Variants in SH2D4B observed in about 807,000 individuals in gnomAD.
SH2D4B encodes SH2 domain-containing protein 4B.
SH2D4B carries 45 observed loss-of-function variants against 61.5 expected under a neutral mutation model. That is an observed-to-expected ratio of 0.73 (90% CI 0.58 to 0.94). The LOEUF (loss-of-function observed/expected upper bound fraction) is 0.94, where lower values mean the gene tolerates loss of function less well. SH2D4B is among the 40% of genes least tolerant of loss of function. The pLI is 0.00. For synonymous variants in SH2D4B, 224 were observed against 220.4 expected, an observed-to-expected ratio of 1.02 and a Z score of -0.14; for missense variants, 572 against 574.2, an observed-to-expected ratio of 1.00 and a Z score of 0.04.
intron 1 of SH2D4B, among the ~76,000 whole-genome samples, chr10:80,548,267 C>T (rs973805298): frequency 2.0e-5 from 3 of 152,276 alleles, no homozygotes; most frequent in Non-Finnish European, 4.4e-5. Context: ...TAGTTTCAAG[C>T]GATTCTCCTG....
intron 4 of SH2D4B, among the ~76,000 whole-genome samples, chr10:80,594,084 G>A (rs935232536): frequency 1.7e-4 from 26 of 152,144 alleles, no homozygotes; most frequent in African/African-American, 6.0e-4. Flanking sequence ...AAAGTTCTGG[G>A]ATTACAGATG....
chr10:80,546,841 T>A (rs1277381076), intron 1 of SH2D4B, among the ~76,000 whole-genome samples: 3 of 152,238 alleles, frequency 2.0e-5, no homozygotes, highest in Non-Finnish European at 2.9e-5. Flanking sequence ...TACGGTATTT[T>A]AAAACTTACT....
At chr10:80,638,181 A>G (rs945609899) in intron 7 of SH2D4B, among the ~76,000 whole-genome samples, 2 of 152,194 alleles carry the variant, frequency 1.3e-5, no homozygotes, top group Admixed American at 6.5e-5. Flanking sequence ...TGCTGGATTC[A>G]GTTTGCCAGT....
chr10:80,640,113 GCCC>G (rs1321483719), intron 7 of SH2D4B, among the ~76,000 whole-genome samples: 1 of 152,118 alleles, frequency 6.6e-6, no homozygotes, highest in Non-Finnish European at 1.5e-5. Context: ...TTGAATATTG[GCCC>G]CCACTCTCTT....
chr10:80,551,357 A>G (rs901765119), intron 1 of SH2D4B, among the ~76,000 whole-genome samples: 1 of 152,178 alleles, frequency 6.6e-6, no homozygotes, highest in Non-Finnish European at 1.5e-5. Context: ...CCTGGCCAAC[A>G]TAACTTGATT....
rs747664374 is a variant in SH2D4B, at chr10:80,571,466, G to A, written c.383G>A (p.Arg128Gln). 1.9e-6 allele frequency: 3 copies of A among 1,613,992 alleles called. No homozygotes were observed. Among genetic ancestry groups the A allele is most frequent in the Middle Eastern group, 1.6e-4 (1 of 6,062 alleles). The change falls in exon 3 of 8, where the codon CGG becomes CAG. Residue 128 changes from arginine (R) to glutamine (Q), a missense_variant. Physicochemically the swap from Arg to Gln is conservative, Grantham distance 43. Coordinates refer to ENST00000646907, the MANE Select transcript of SH2D4B (RefSeq NM_001388272.1). ...GAGGCAGAGATCACCAAGAAGTTCC[G>A]GGATGCTCTGGCCAATGAGAAAGCC... The part of the protein sequence containing the change: ...QKEAEITKKF[R>Q]DALANEKARI...
intron 6 of SH2D4B, 134 bp downstream of exon 6, chr10:80,609,685 T>TC (rs1842572408): frequency 7.1e-7 from 1 of 1,411,196 alleles, no homozygotes; most frequent in Admixed American, 1.9e-5. Context: ...TCTGTCCCTC[T>TC]CCCAGTGGGA....
At chr10:80,597,705 G>A (rs949076704) in intron 4 of SH2D4B, among the ~76,000 whole-genome samples, 1 of 150,282 alleles carries the variant, frequency 6.7e-6, no homozygotes, top group African/African-American at 2.5e-5. Flanking sequence ...TAAAATACAC[G>A]GGGAGAGAGT....
chr10:80,577,797 C>T (rs1293013349), intron 3 of SH2D4B, among the ~76,000 whole-genome samples: 3 of 151,210 alleles, frequency 2.0e-5, no homozygotes, highest in African/African-American at 4.9e-5. Flanking sequence ...CTCCTGACCT[C>T]GTGATCTGCC....
intron 1 of SH2D4B, among the ~76,000 whole-genome samples, chr10:80,564,912 CG>C (rs1173121544): frequency 6.6e-6 from 1 of 152,190 alleles, no homozygotes; most frequent in Non-Finnish European, 1.5e-5. Context: ...ATTTGCCAAT[CG>C]GGCAGCACTC....
intron 7 of SH2D4B, among the ~76,000 whole-genome samples, chr10:80,635,020 G>T (rs1842880777): frequency 6.6e-6 from 1 of 152,158 alleles, no homozygotes; most frequent in Admixed American, 6.5e-5. Context: ...CCTTGAGCCA[G>T]CACCTTAGTC....
chr10:80,623,129 T>C (rs1312528253), intron 6 of SH2D4B, among the ~76,000 whole-genome samples: 3 of 152,168 alleles, frequency 2.0e-5, no homozygotes, highest in African/African-American at 4.8e-5. Context: ...TGGCCAGGAT[T>C]GTCTCGAACT....
At chr10:80,552,870 TCC>T (rs1841780175) in intron 1 of SH2D4B, among the ~76,000 whole-genome samples, 1 of 151,820 alleles carries the variant, frequency 6.6e-6, no homozygotes, top group Admixed American at 6.6e-5. Flanking sequence ...CATTTCTTTC[TCC>T]CCCTCTCTCT....
intron 7 of SH2D4B, among the ~76,000 whole-genome samples, chr10:80,639,755 A>C (rs111397159): frequency 6.6e-6 from 1 of 152,066 alleles, no homozygotes. Flanking sequence ...TGTGTCTTTT[A>C]ATTGGGGCAT....
At chr10:80,575,055 T>C (rs978752098) in intron 3 of SH2D4B, among the ~76,000 whole-genome samples, 3 of 150,796 alleles carry the variant, frequency 2.0e-5, no homozygotes, top group Non-Finnish European at 4.4e-5. Flanking sequence ...GGAAACAGTA[T>C]GTACCCTCCA....
chr10:80,611,311 T>C (rs1240604351), intron 6 of SH2D4B, among the ~76,000 whole-genome samples: 1 of 152,176 alleles, frequency 6.6e-6, no homozygotes, highest in Non-Finnish European at 1.5e-5. Flanking sequence ...CACATTCTGT[T>C]AGCCAGAACC....
In SH2D4B at chr10:80,548,051, C is replaced by T. The variant is rs1841705667; in HGVS notation, c.184+9536C>T. Among the ~76,000 whole-genome samples the T allele has an allele frequency of 2.6e-5, 4 of 152,152 alleles. No homozygotes were observed. In the South Asian group the frequency reaches 8.3e-4, roughly 32 times the overall value. On this transcript the variant is annotated intron_variant, in intron 1 of 7. Transcript: ENST00000646907. ...ACCTGTAGGTAGGTACCCCTTGAAGCTCTGGTAGGTATTTGGAAGGCAAGC... is the reference window on the plus strand; with the variant it reads ...ACCTGTAGGTAGGTACCCCTTGAAGTTCTGGTAGGTATTTGGAAGGCAAGC...
At chr10:80,636,247 G>A (rs1840166146) in intron 7 of SH2D4B, among the ~76,000 whole-genome samples, 4 of 152,140 alleles carry the variant, frequency 2.6e-5, no homozygotes, top group Admixed American at 2.6e-4. Context: ...GAATAGTGCT[G>A]CAATAAACAT....
At chr10:80,548,700 T>A (rs533518773) in intron 1 of SH2D4B, among the ~76,000 whole-genome samples, 1 of 152,348 alleles carries the variant, frequency 6.6e-6, no homozygotes, top group Admixed American at 6.5e-5. Context: ...GTCATGCTCG[T>A]CTCCTTCCTT....
Sources: gnomAD v4.1 joint callset for allele counts (sites outside exome capture counted in the v4.1 genomes callset) on GRCh38, gnomAD v4.1.1 for gene constraint, MANE v1.5 for transcripts, NCBI Gene and HGNC (gene_info 2026-07-23, HGNC 2026-07-21) for gene names.